Variants in CNTNAP2 observed in about 807,000 individuals in gnomAD.
CNTNAP2 encodes contactin-associated protein-like 2.
Under a neutral mutation model 155.2 loss-of-function variants are expected in CNTNAP2, and 98 were observed. That is an observed-to-expected ratio of 0.63 (90% CI 0.54 to 0.75). The LOEUF (loss-of-function observed/expected upper bound fraction) is 0.75, where lower values mean the gene tolerates loss of function less well. CNTNAP2 is among the 30% of genes least tolerant of loss of function. CNTNAP2 has a pLI of 0.00. For missense variants in CNTNAP2, 1,727 were observed against 1,688.1 expected, an observed-to-expected ratio of 1.02 and a Z score of -0.40; for synonymous variants, 651 against 631.2, an observed-to-expected ratio of 1.03 and a Z score of -0.47.
intron 14 of CNTNAP2, among the ~76,000 whole-genome samples, chr7:147,946,598 C>T (rs1382215228): frequency 1.3e-5 from 2 of 151,958 alleles, no homozygotes; most frequent in African/African-American, 2.4e-5. Context: ...TGGAATTGTG[C>T]TGTTGATCAG....
intron 1 of CNTNAP2, among the ~76,000 whole-genome samples, chr7:146,222,954 T>C (rs2462830): frequency 0.7 from 106,557 of 151,976 alleles, 38,182 homozygotes; most frequent in East Asian, 0.94. Flanking sequence ...CCACCGCACC[T>C]GGCCAGGAAA....
intron 21 of CNTNAP2, among the ~76,000 whole-genome samples, chr7:148,341,925 C>T (rs2116582193): frequency 6.6e-6 from 1 of 152,266 alleles, no homozygotes; most frequent in African/African-American, 2.4e-5. Context: ...TGACTAGTGA[C>T]CCCCAGAAAA....
chr7:146,995,494 C>T (rs1798292283), intron 3 of CNTNAP2, among the ~76,000 whole-genome samples: 1 of 152,042 alleles, frequency 6.6e-6, no homozygotes, highest in Admixed American at 6.6e-5. Flanking sequence ...CTTGCCAACA[C>T]TTGTTATCTT....
At chr7:146,563,810 C>G (rs1410660046) in intron 1 of CNTNAP2, among the ~76,000 whole-genome samples, 1 of 152,140 alleles carries the variant, frequency 6.6e-6, no homozygotes, top group Non-Finnish European at 1.5e-5. Flanking sequence ...ATTATCAATT[C>G]CCTTTATAAG....
At chr7:146,849,144 A>C (rs1244220935) in intron 3 of CNTNAP2, among the ~76,000 whole-genome samples, 1 of 152,218 alleles carries the variant, frequency 6.6e-6, no homozygotes, top group Admixed American at 6.5e-5. Flanking sequence ...GTAATGCTTA[A>C]TTTATATAAT....
chr7:147,442,007 C>T (rs1797649812), intron 10 of CNTNAP2, among the ~76,000 whole-genome samples: 2 of 152,040 alleles, frequency 1.3e-5, no homozygotes, highest in African/African-American at 4.8e-5. Context: ...GTTGTAATCA[C>T]TCTCTGGCTA....
At chr7:147,947,454 C>CAAA (rs10708483) in intron 14 of CNTNAP2, among the ~76,000 whole-genome samples, 156 of 80,076 alleles carry the variant, frequency 1.9e-3, no homozygotes, top group African/African-American at 2.6e-3. Context: ...CCTGTCTCTA[C>CAAA]AAAAAAAAAA....
intron 3 of CNTNAP2, among the ~76,000 whole-genome samples, chr7:146,954,381 A>G (rs958166570): frequency 6.6e-6 from 1 of 151,958 alleles, no homozygotes; most frequent in African/African-American, 2.4e-5. Context: ...AAACATGGAA[A>G]GTATGCATAG....
intron 3 of CNTNAP2, among the ~76,000 whole-genome samples, chr7:146,914,318 C>T (rs951826148): frequency 6.6e-6 from 1 of 151,796 alleles, no homozygotes; most frequent in Non-Finnish European, 1.5e-5. Context: ...ACCCAGGGCA[C>T]GATTACTGGA....
At chr7:147,030,258 T>A (rs1233378958) in intron 3 of CNTNAP2, among the ~76,000 whole-genome samples, 3 of 152,216 alleles carry the variant, frequency 2.0e-5, no homozygotes, top group African/African-American at 7.2e-5. Flanking sequence ...TTTATATGGA[T>A]TTTCTTGAAC....
At chr7:148,352,613 G>T (rs1174310893) in intron 21 of CNTNAP2, among the ~76,000 whole-genome samples, 1 of 152,210 alleles carries the variant, frequency 6.6e-6, no homozygotes, top group East Asian at 1.9e-4. Flanking sequence ...GCCCTGGGCA[G>T]GGGCAGGCTC....
At chr7:147,578,011 T>C (rs1046356250) in intron 12 of CNTNAP2, among the ~76,000 whole-genome samples, 5 of 152,142 alleles carry the variant, frequency 3.3e-5, no homozygotes, top group Non-Finnish European at 4.4e-5. Flanking sequence ...CCAACTTCTA[T>C]ACAACATTTG....
At chr7:146,633,918 C>T (rs13229827) in intron 1 of CNTNAP2, among the ~76,000 whole-genome samples, 13 of 149,394 alleles carry the variant, frequency 8.7e-5, no homozygotes, top group Admixed American at 2.7e-4. Context: ...TAAAAAGAGA[C>T]GATAGACATT....
intron 13 of CNTNAP2, among the ~76,000 whole-genome samples, chr7:147,687,080 T>C (rs1796026380): frequency 6.6e-6 from 1 of 152,120 alleles, no homozygotes; most frequent in Non-Finnish European, 1.5e-5. Flanking sequence ...ATTAACCTGA[T>C]TTGACCTTTA....
At chr7:146,432,860 G>A (rs1796191311) in intron 1 of CNTNAP2, among the ~76,000 whole-genome samples, 1 of 152,126 alleles carries the variant, frequency 6.6e-6, no homozygotes, top group Non-Finnish European at 1.5e-5. Context: ...CATTCTCCGT[G>A]CCGGTTGACT....
chr7:148,098,444 GA>G (rs61014019), intron 15 of CNTNAP2, among the ~76,000 whole-genome samples: 2,447 of 55,970 alleles, frequency 0.044, 22 homozygotes, highest in African/African-American at 0.13. Flanking sequence ...CTCTGTCTCA[GA>G]AAAAAAAAAA....
rs952825996 is a variant in CNTNAP2, at chr7:147,323,906, A to G, written c.1498+23616A>G. ...AAATTTCTTGCCTTTAATTTGAGAG[A>G]AAAATGGACCATTTCCCAAAACATT... On this transcript the variant is annotated intron_variant, in intron 9 of 23. Coordinates refer to ENST00000361727, the MANE Select transcript of CNTNAP2 (RefSeq NM_014141.6). Among the ~76,000 whole-genome samples the G allele has an allele frequency of 2.0e-5, 3 of 152,188 alleles. No homozygotes were observed. The East Asian group carries it at 5.8e-4, about 29-fold the overall frequency.
At chr7:147,272,131 A>C (rs1804766675) in intron 8 of CNTNAP2, among the ~76,000 whole-genome samples, 1 of 151,986 alleles carries the variant, frequency 6.6e-6, no homozygotes, top group Non-Finnish European at 1.5e-5. Context: ...GACTTCAGGT[A>C]ATCTGCCTGC....
At chr7:146,641,406 G>T (rs920594674) in intron 1 of CNTNAP2, among the ~76,000 whole-genome samples, 1 of 152,074 alleles carries the variant, frequency 6.6e-6, no homozygotes, top group Admixed American at 6.6e-5. Flanking sequence ...ACTTGGGCAG[G>T]TTTCTAATAA....
Sources: allele counts gnomAD v4.1 joint callset (sites outside exome capture counted in the v4.1 genomes callset), GRCh38; gene constraint gnomAD v4.1.1; transcripts MANE v1.5; gene names NCBI Gene and HGNC (gene_info 2026-07-23, HGNC 2026-07-21).